STAG1: variants seen among roughly 807,000 people sequenced by gnomAD.
STAG1 encodes the protein cohesin subunit SA-1.
Under a neutral mutation model 170.9 loss-of-function variants are expected in STAG1, and 26 were observed. That is an observed-to-expected ratio of 0.15 (90% CI 0.11 to 0.21). The LOEUF (loss-of-function observed/expected upper bound fraction) is 0.21. Among genes scored for constraint, STAG1 ranks in the 10% least tolerant of loss-of-function variants. STAG1 has a pLI of 1.00. For synonymous variants in STAG1, 514 were observed against 497.7 expected (o/e 1.03, Z -0.44); for missense variants, 964 against 1,509.5 (o/e 0.64, Z 5.99).
At chr3:136,737,403 A>C (rs1198081831) in intron 1 of STAG1, among the ~76,000 whole-genome samples, 1 of 151,180 alleles carries the variant, frequency 6.6e-6, no homozygotes, top group Non-Finnish European at 1.5e-5. Context: ...TGCCGGGCCA[A>C]TTTTTGCATT....
intron 1 of STAG1, among the ~76,000 whole-genome samples, chr3:136,714,735 AAAAT>A (rs568756439): frequency 2.7e-5 from 4 of 150,656 alleles, no homozygotes; most frequent in African/African-American, 4.9e-5. Flanking sequence ...CTCAAAAATA[AAAAT>A]AAATAAATAA....
chr3:136,687,911 A>G (rs1282043865), intron 1 of STAG1, among the ~76,000 whole-genome samples: 4 of 151,926 alleles, frequency 2.6e-5, no homozygotes, highest in African/African-American at 9.7e-5. Context: ...TAATTTTTGT[A>G]TTTTTAATAC....
chr3:136,589,917 C>T (rs1938071513), intron 4 of STAG1, among the ~76,000 whole-genome samples: 3 of 151,548 alleles, frequency 2.0e-5, no homozygotes, highest in African/African-American at 2.4e-5. Flanking sequence ...GGTAACAGAG[C>T]GAGATTCCAT....
At chr3:136,585,971 T>A (rs921872893) in intron 4 of STAG1, among the ~76,000 whole-genome samples, 1 of 152,210 alleles carries the variant, frequency 6.6e-6, no homozygotes, top group Non-Finnish European at 1.5e-5. Context: ...AAAGAATTTT[T>A]AAGAAATCTC....
In STAG1 at chr3:136,521,310, T is replaced by G. The variant is rs763170164; in HGVS notation, c.579A>C (p.Ile193=). The part of the protein sequence containing the change: ...GVLIRQCQYS[I]IYDEYMMDTV... ...TGTCCATCATATACTCATCATAAAT[T>G]ATGCTATACTGACACTGTCGAATCA... Residue 193 remains isoleucine, a synonymous_variant, in exon 7 of 34, where the codon ATA becomes ATC. Coordinates refer to ENST00000383202, the MANE Select transcript of STAG1 (RefSeq NM_005862.3). The G allele has an allele frequency of 2.5e-6, 4 of 1,613,792 alleles. No individual in the cohort carries two copies. Among genetic ancestry groups the G allele is most frequent in the Admixed American group, 3.3e-5 (2 of 59,954 alleles).
chr3:136,562,346 C>G (rs1426507424), intron 5 of STAG1, among the ~76,000 whole-genome samples: 1 of 150,426 alleles, frequency 6.6e-6, no homozygotes, highest in African/African-American at 2.4e-5. Context: ...CTGCAACCTC[C>G]GCCTCCTGGG....
chr3:136,465,822 C>T (rs147478320), intron 12 of STAG1, among the ~76,000 whole-genome samples: 16 of 152,150 alleles, frequency 1.1e-4, no homozygotes, highest in African/African-American at 2.6e-4. Context: ...TCAGAATTAA[C>T]CTACTAACTA....
chr3:136,430,804 C>T (rs1209845736), intron 16 of STAG1, among the ~76,000 whole-genome samples: 1 of 116,446 alleles, frequency 8.6e-6, no homozygotes. Flanking sequence ...CAGACATAGA[C>T]AGACACACAC....
At chr3:136,595,080 C>T (rs988254520) in intron 4 of STAG1, among the ~76,000 whole-genome samples, 3 of 152,160 alleles carry the variant, frequency 2.0e-5, no homozygotes, top group Non-Finnish European at 4.4e-5. Flanking sequence ...TATAGTCCAA[C>T]TTTTATAGTT....
chr3:136,560,031 T>C (rs1344590419), intron 5 of STAG1, among the ~76,000 whole-genome samples: 1 of 152,184 alleles, frequency 6.6e-6, no homozygotes, highest in Non-Finnish European at 1.5e-5. Context: ...TTCTTTTGGC[T>C]TACAGGTGCC....
chr3:136,620,256 T>C (rs1939786437), intron 3 of STAG1, among the ~76,000 whole-genome samples: 1 of 152,118 alleles, frequency 6.6e-6, no homozygotes, highest in South Asian at 2.1e-4. Flanking sequence ...ATGAATAGTA[T>C]TACTACAGCT....
Position 136,632,419 on chromosome 3 carries a change from A to C in STAG1, c.-83-1438T>G, listed in dbSNP as rs1436859730. Among the ~76,000 whole-genome samples the C allele has an allele frequency of 3.3e-5, 5 of 152,332 alleles. No individual in the cohort carries two copies. The South Asian group carries it at 1.0e-3, about 32-fold the overall frequency. On this transcript the variant is annotated intron_variant, in intron 1 of 33. Transcript: ENST00000383202. ...CCCATTCCCCAACTCAACAGTGTCA[A>C]TGAGGACAGCAGATCAAACTCTTGG...
chr3:136,741,465 T>A (rs1576837658), intron 1 of STAG1, among the ~76,000 whole-genome samples: 1 of 152,216 alleles, frequency 6.6e-6, no homozygotes, highest in East Asian at 1.9e-4. Flanking sequence ...TCCATGTTGT[T>A]GGAAGGAATT....
At chr3:136,410,229 G>C (rs1215689732) in intron 21 of STAG1, among the ~76,000 whole-genome samples, 1 of 151,862 alleles carries the variant, frequency 6.6e-6, no homozygotes, top group East Asian at 1.9e-4. Flanking sequence ...GTGAAATCCT[G>C]TCTCTACTAA....
At chr3:136,714,839 G>A (rs1943475705) in intron 1 of STAG1, among the ~76,000 whole-genome samples, 1 of 146,528 alleles carries the variant, frequency 6.8e-6, no homozygotes. Flanking sequence ...AACCTGGGAG[G>A]TCAAGGCTGC....
intron 1 of STAG1, among the ~76,000 whole-genome samples, chr3:136,652,552 G>A (rs1941252761): frequency 6.6e-6 from 1 of 152,122 alleles, no homozygotes; most frequent in Non-Finnish European, 1.5e-5. Context: ...AAAGGTTCTG[G>A]CCAATGTTAT....
chr3:136,511,997 A>G (rs779105899), intron 7 of STAG1, among the ~76,000 whole-genome samples: 27 of 150,660 alleles, frequency 1.8e-4, no homozygotes, highest in Non-Finnish European at 1.0e-4. Flanking sequence ...GGGCACACCT[A>G]TAATCCTAGC....
At chr3:136,714,461 G>A (rs1384637208) in intron 1 of STAG1, among the ~76,000 whole-genome samples, 1 of 152,090 alleles carries the variant, frequency 6.6e-6, no homozygotes, top group African/African-American at 2.4e-5. Context: ...GGGCGTGGTG[G>A]CTCACGCCTG....
intron 3 of STAG1, among the ~76,000 whole-genome samples, chr3:136,622,623 T>A (rs1939917435): frequency 6.6e-6 from 1 of 152,186 alleles, no homozygotes. Context: ...CATAGAACAG[T>A]ATAACCCTTA....
Sources: gnomAD v4.1 joint callset for allele counts (sites outside exome capture counted in the v4.1 genomes callset) on GRCh38, gnomAD v4.1.1 for gene constraint, MANE v1.5 for transcripts, NCBI Gene and HGNC (gene_info 2026-07-23, HGNC 2026-07-21) for gene names.